Variants in SYNCRIP observed in about 807,000 individuals in gnomAD.
SYNCRIP encodes the protein synaptotagmin binding cytoplasmic RNA interacting protein.
SYNCRIP carries 9 observed loss-of-function variants against 68.9 expected under a neutral mutation model. The ratio of observed to expected loss-of-function variants is 0.13; its 90% CI spans 0.08 to 0.23. The LOEUF (loss-of-function observed/expected upper bound fraction) is 0.23, where lower values mean the gene tolerates loss of function less well. Ranked by LOEUF, SYNCRIP falls within the 10% of genes least tolerant of loss-of-function variation. The pLI is 1.00. For missense variants in SYNCRIP, 414 were observed against 770.6 expected (o/e 0.54, Z 5.48); for synonymous variants, 258 against 254.0 (o/e 1.02, Z -0.15).
At chr6:85,610,421 ATTC>A (rs1405761351), downstream of SYNCRIP, 1 of 151,980 alleles carries the variant, frequency 6.6e-6, no homozygotes, top group African/African-American at 2.4e-5. Context: ...ATAACCATCA[ATTC>A]TTCAATTTCT....
At chr6:85,623,312 G>A (rs185500523) in intron 7 of SYNCRIP, among the ~76,000 whole-genome samples, 117 of 151,742 alleles carry the variant, frequency 7.7e-4, no homozygotes, top group African/African-American at 2.7e-3. Flanking sequence ...ACCTGTAATC[G>A]CAACACTCTG....
downstream of SYNCRIP, chr6:85,608,986 T>G (rs1805035847): frequency 6.6e-6 from 1 of 152,006 alleles, no homozygotes; most frequent in South Asian, 2.1e-4. Context: ...TGGCATGCCC[T>G]ATTGAGTGGT....
intron 8 of SYNCRIP, among the ~76,000 whole-genome samples, chr6:85,621,076 C>T (rs1339824306): frequency 1.3e-5 from 2 of 152,210 alleles, no homozygotes; most frequent in Non-Finnish European, 2.9e-5. Flanking sequence ...TTAACCTCTT[C>T]ACTAACATTA....
chr6:85,627,676 A>C (rs1320346734), intron 6 of SYNCRIP, among the ~76,000 whole-genome samples: 1 of 152,144 alleles, frequency 6.6e-6, no homozygotes, highest in Non-Finnish European at 1.5e-5. Flanking sequence ...ACAGTGGTAT[A>C]AAAAAACGAG....
intron 6 of SYNCRIP, among the ~76,000 whole-genome samples, chr6:85,629,852 C>G (rs891672909): frequency 1.3e-5 from 2 of 150,798 alleles, no homozygotes; most frequent in African/African-American, 4.9e-5. Flanking sequence ...GGCATGGTGG[C>G]GGGCTCCTGT....
chr6:85,642,149 G>A (rs910631589), intron 1 of SYNCRIP, among the ~76,000 whole-genome samples: 2 of 152,152 alleles, frequency 1.3e-5, no homozygotes, highest in Admixed American at 1.3e-4. Flanking sequence ...GAAAGCTGCA[G>A]CAGCACAATC....
At chr6:85,613,496 G>A (rs544170069), downstream of SYNCRIP, among the ~76,000 whole-genome samples, 1 of 152,104 alleles carries the variant, frequency 6.6e-6, no homozygotes, top group South Asian at 2.1e-4. Flanking sequence ...CCTAGAGTCT[G>A]TCCCCCAAAA....
intron 10 of SYNCRIP, among the ~76,000 whole-genome samples, chr6:85,616,037 T>G (rs1309478144): frequency 1.3e-5 from 2 of 152,178 alleles, no homozygotes; most frequent in African/African-American, 4.8e-5. Flanking sequence ...TTCCCAAAAA[T>G]AAACTACACC....
chr6:85,619,463 A>T, intron 8 of SYNCRIP, 46 bp from the exon 9 acceptor site: 1 of 1,550,302 alleles, frequency 6.5e-7, no homozygotes, highest in South Asian at 1.2e-5. Context: ...AAAGAGTTCC[A>T]TTTCTAAGAT....
chr6:85,637,152 TAA>T lies in SYNCRIP; in HGVS notation c.490-11_490-10del. The T allele has an allele frequency of 6.2e-7, 1 of 1,607,638 alleles. No homozygotes were observed. The highest frequency in any genetic ancestry group is 8.5e-7 in the Non-Finnish European group (1 of 1,177,912). On this transcript the variant is annotated splice_polypyrimidine_tract_variant and intron_variant, in intron 5 of 10. Transcript: ENST00000369622. ...ATCTTTCCCACAAATATCTGTAAAT[TAA>T]ATATTAAGTAAAAACCATGGAGAAT...
rs113987375 is a variant in SYNCRIP, at chr6:85,634,239, C to T, written c.666+2728G>A. Among the ~76,000 whole-genome samples, 656 of 152,260 alleles carry T rather than the reference C, an allele frequency of 4.3e-3. 6 individuals are homozygous for T. Among genetic ancestry groups the T allele is most frequent in the African/African-American group, 0.015 (622 of 41,540 alleles). On this transcript the variant is annotated intron_variant, in intron 6 of 10. Coordinates refer to ENST00000369622, the MANE Select transcript of SYNCRIP (RefSeq NM_006372.5). Reference sequence around the variant, plus strand: ...ACATTTCCTAGTGTCTACTGGCACTCGAAATCACTGTTACTAATGGATTAT... The same window carrying T: ...ACATTTCCTAGTGTCTACTGGCACTTGAAATCACTGTTACTAATGGATTAT...
In SYNCRIP at chr6:85,639,214, A is replaced by C. The variant is rs971007005; in HGVS notation, c.375+1007T>G. ...CAGAGTAAGACTCTGTCTCCCAAAAACAAACAAACAAACAAACAAAAAATT... is the reference window on the plus strand; with the variant it reads ...CAGAGTAAGACTCTGTCTCCCAAAACCAAACAAACAAACAAACAAAAAATT... On this transcript the variant is annotated intron_variant, in intron 4 of 10. Transcript: ENST00000369622. 2.7e-5 allele frequency among the ~76,000 whole-genome samples: 4 copies of C among 145,988 alleles called. No homozygotes were observed. In the East Asian group the frequency reaches 7.7e-4, roughly 28 times the overall value.
chr6:85,609,962 TCC>T (rs1805116701), downstream of SYNCRIP: 1 of 151,902 alleles, frequency 6.6e-6, no homozygotes, highest in Non-Finnish European at 1.5e-5. Flanking sequence ...TAGTTAACAT[TCC>T]CCCTTTAACA....
At chr6:85,616,324 T>A (rs1554182963) in intron 10 of SYNCRIP, among the ~76,000 whole-genome samples, 1 of 152,068 alleles carries the variant, frequency 6.6e-6, no homozygotes, top group African/African-American at 2.4e-5. Flanking sequence ...TGTTATGTTA[T>A]TTTATTTATT....
chr6:85,610,577 C>T (rs1485726901), downstream of SYNCRIP: 1 of 151,978 alleles, frequency 6.6e-6, no homozygotes, highest in East Asian at 1.9e-4. Flanking sequence ...CAATGCAGTT[C>T]TTACTTTAAG....
At chr6:85,615,968 T>TA (rs1449557403) in intron 10 of SYNCRIP, among the ~76,000 whole-genome samples, 1 of 152,236 alleles carries the variant, frequency 6.6e-6, no homozygotes, top group African/African-American at 2.4e-5. Flanking sequence ...ATAAAGACCT[T>TA]AAAGTTTTCC....
At chr6:85,623,562 C>CAAAAAA (rs67258131) in intron 7 of SYNCRIP, among the ~76,000 whole-genome samples, 3,846 of 63,100 alleles carry the variant, frequency 0.061, 226 homozygotes, top group African/African-American at 0.12. Context: ...AGACTGTCTC[C>CAAAAAA]AAAAAAAAAA....
intron 6 of SYNCRIP, among the ~76,000 whole-genome samples, chr6:85,627,400 G>C (rs1807183937): frequency 6.6e-6 from 1 of 151,912 alleles, no homozygotes; most frequent in African/African-American, 2.4e-5. Flanking sequence ...AACAAAAGTA[G>C]TACCTAGAAA....
intron 2 of SYNCRIP, among the ~76,000 whole-genome samples, chr6:85,640,779 T>G (rs72907329): frequency 0.056 from 8,470 of 152,070 alleles, 338 homozygotes; most frequent in Non-Finnish European, 0.084. Context: ...AGCTAACTTC[T>G]TTTACATCTT....
Sources: gnomAD v4.1 joint callset for allele counts (sites outside exome capture counted in the v4.1 genomes callset) on GRCh38, gnomAD v4.1.1 for gene constraint, MANE v1.5 for transcripts, NCBI Gene and HGNC (gene_info 2026-07-23, HGNC 2026-07-21) for gene names.